Variants in AGTPBP1 observed in about 807,000 individuals in gnomAD.
AGTPBP1 encodes the protein cytosolic carboxypeptidase 1.
In AGTPBP1, 70 loss-of-function variants were observed where a neutral mutation model predicts 143.9. The ratio of observed to expected loss-of-function variants is 0.49; its 90% confidence interval spans 0.40 to 0.59. The LOEUF (loss-of-function observed/expected upper bound fraction) is 0.59. Ranked by LOEUF, AGTPBP1 falls within the 20% of genes least tolerant of loss-of-function variation. The pLI, the probability that AGTPBP1 is intolerant of heterozygous loss-of-function variation, is 0.00. For missense variants in AGTPBP1, 1,229 were observed against 1,464.5 expected, an observed-to-expected ratio of 0.84 and a Z score of 2.62; for synonymous variants, 463 against 500.2, an observed-to-expected ratio of 0.93 and a Z score of 0.99.
intron 2 of AGTPBP1, among the ~76,000 whole-genome samples, chr9:85,698,689 T>G: frequency 8.4e-6 from 1 of 118,938 alleles, no homozygotes; most frequent in Admixed American, 8.3e-5. Context: ...CTTTTTTTTT[T>G]TTTTTTTTTT....
At chr9:85,801,832 T>G in the AGTPBP1 span, among the ~76,000 whole-genome samples, 2 of 152,334 alleles carry the variant, frequency 1.3e-5, no homozygotes, top group Admixed American at 1.3e-4. Flanking sequence ...ACTCATAGAT[T>G]AAAGATTTTA....
At position 85,632,726 on chromosome 9, in the gene AGTPBP1, A is replaced by C; in HGVS notation, c.1951T>G (p.Tyr651Asp). ...PEYSEVAYPDYFGHIPPPFKE... is the reference protein window; with the variant it reads ...PEYSEVAYPDDFGHIPPPFKE... ...AATGGAGGCGGAATGTGACCAAAAT[A>C]ATCGGGATAAGCCACCTCTGAATAT... is the stretch of plus-strand genomic sequence containing the variant. Residue 651 changes from tyrosine (Y) to aspartate (D), a missense_variant, in exon 14 of 26, where the codon TAT becomes GAT. Transcript: ENST00000357081. 6.2e-7 allele frequency: 1 copy of C among 1,614,130 alleles called. No homozygotes were observed. The highest frequency in any genetic ancestry group is 8.5e-7 in the Non-Finnish European group (1 of 1,179,990).
the AGTPBP1 span, among the ~76,000 whole-genome samples, chr9:85,766,272 T>TA: frequency 1.3e-5 from 2 of 152,276 alleles, no homozygotes; most frequent in East Asian, 3.9e-4. Flanking sequence ...CTATACCTCT[T>TA]ACATTATTTA....
chr9:85,655,311 C>G lies in AGTPBP1; in HGVS notation c.919G>C (p.Ala307Pro), dbSNP rs1028875885. 3 of 1,506,194 alleles carry G rather than the reference C, an allele frequency of 2.0e-6. No homozygotes were observed. The South Asian group carries it at 4.0e-5, about 20-fold the overall frequency. 93.3% of individuals were successfully genotyped at this position (1,506,194 alleles called of 1,614,324 possible). ...ACAAGAGGATCCAGAGTCCTGACTG[C>G]CAGACATTCCTGTTTTTTAAAAAAA... ...ILYNTSQECL[A>P]VRTLDPLVNT... is the part of the protein sequence containing the mutation. The change falls in exon 11 of 26, where the codon GCA (alanine) becomes CCA (proline). Residue 307 changes from alanine (A) to proline (P), a missense_variant. By Grantham distance (27) the Ala-to-Pro change is conservative. Around this residue, in one of 2 missense-constraint regions of AGTPBP1, gnomAD observed 743 missense variants for 812.2 expected, o/e 0.91. Transcript: ENST00000357081.
chr9:85,771,405 A>G, the AGTPBP1 span, among the ~76,000 whole-genome samples: 4 of 152,250 alleles, frequency 2.6e-5, no homozygotes, highest in Non-Finnish European at 5.9e-5. Flanking sequence ...GAGCCCAGCA[A>G]TTTGAGTTTG....
chr9:85,575,255 TTTTA>T, intron 25 of AGTPBP1, 56 bp downstream of exon 25: 1 of 1,340,386 alleles, frequency 7.5e-7, no homozygotes, highest in South Asian at 1.7e-5. Flanking sequence ...TTTTCTGCTA[TTTTA>T]ATGAAGTCTA....
In AGTPBP1 at chr9:85,594,896, T is replaced by C. The variant is rs187601874; in HGVS notation, c.2423+1466A>G. Among the ~76,000 whole-genome samples the C allele has an allele frequency of 1.2e-4, 19 of 152,316 alleles. No individual in the cohort carries two copies. The East Asian group carries it at 3.7e-3, about 29-fold the overall frequency. ...TAAAGAAGCATGAAAGTAAGAATGC[T>C]TTTTGAAAAACATTGTTTCATTCTT... On this transcript the variant is annotated intron_variant, in intron 18 of 25. Coordinates refer to ENST00000357081, the MANE Select transcript of AGTPBP1 (RefSeq NM_001330701.2).
chr9:85,581,271 G>A (rs190683119), intron 23 of AGTPBP1, among the ~76,000 whole-genome samples: 33 of 152,260 alleles, frequency 2.2e-4, no homozygotes, highest in Middle Eastern at 3.4e-3. Flanking sequence ...TGGAAAGCAC[G>A]CAGGACTTAA....
chr9:85,672,999 T>C (rs1295873654), intron 6 of AGTPBP1, among the ~76,000 whole-genome samples: 8 of 152,100 alleles, frequency 5.3e-5, no homozygotes, highest in Non-Finnish European at 1.2e-4. Context: ...CCTCCCAAAG[T>C]GCTGAGATTA....
chr9:85,588,009 T>C (rs1406753460), intron 21 of AGTPBP1, among the ~76,000 whole-genome samples: 1 of 152,146 alleles, frequency 6.6e-6, no homozygotes, highest in Admixed American at 6.5e-5. Context: ...CAACCTGACA[T>C]TGTGATTTTT....
chr9:85,717,321 T>C (rs1250604500), intron 1 of AGTPBP1, among the ~76,000 whole-genome samples: 1 of 152,026 alleles, frequency 6.6e-6, no homozygotes, highest in African/African-American at 2.4e-5. Flanking sequence ...CTGGGCAATA[T>C]AGCAAGAGCC....
chr9:85,645,088 C>G (rs1214735404), intron 12 of AGTPBP1, among the ~76,000 whole-genome samples: 1 of 152,134 alleles, frequency 6.6e-6, no homozygotes, highest in Non-Finnish European at 1.5e-5. Flanking sequence ...CTGAGAACCT[C>G]TCTCTTCCTC....
At chr9:85,789,931 G>T in the AGTPBP1 span, among the ~76,000 whole-genome samples, 1 of 152,118 alleles carries the variant, frequency 6.6e-6, no homozygotes, top group Non-Finnish European at 1.5e-5. Flanking sequence ...GACATATTTT[G>T]ATCTTTCACT....
At chr9:85,701,762 T>G (rs899885506) in intron 2 of AGTPBP1, among the ~76,000 whole-genome samples, 3 of 152,220 alleles carry the variant, frequency 2.0e-5, no homozygotes, top group Non-Finnish European at 2.9e-5. Context: ...TCAACTTAGA[T>G]GTACTACCTT....
intron 2 of AGTPBP1, among the ~76,000 whole-genome samples, chr9:85,698,091 C>CTTT (rs370115913): frequency 0.017 from 2,499 of 148,432 alleles, 24 homozygotes; most frequent in Middle Eastern, 0.055. Context: ...AAAAGGTCAT[C>CTTT]TTTTTTTTTT....
chr9:85,692,287 T>TTTA (rs1835927682), intron 3 of AGTPBP1, among the ~76,000 whole-genome samples: 1 of 151,788 alleles, frequency 6.6e-6, no homozygotes, highest in African/African-American at 2.4e-5. Flanking sequence ...TTTTTTTTTT[T>TTTA]TTTTATGAGA....
At chr9:85,723,773 G>A (rs529067128) in intron 1 of AGTPBP1, among the ~76,000 whole-genome samples, 9 of 152,210 alleles carry the variant, frequency 5.9e-5, no homozygotes, top group South Asian at 2.1e-4. Context: ...CATCAATCTC[G>A]CTGGGAGCTG....
chr9:85,727,186 G>T (rs151263576), intron 1 of AGTPBP1, among the ~76,000 whole-genome samples: 46 of 152,226 alleles, frequency 3.0e-4, no homozygotes, highest in African/African-American at 1.0e-3. Context: ...AATCAGCCGG[G>T]CATGGTGGCA....
In AGTPBP1 at chr9:85,662,082, C is replaced by T. The variant is rs538101601; in HGVS notation, c.663-1109G>A. 8.5e-5 allele frequency among the ~76,000 whole-genome samples: 13 copies of T among 152,162 alleles called. No individual in the cohort carries two copies. The South Asian group carries it at 2.7e-3, about 32-fold the overall frequency. ...AAAGGAGGTAATAAAGTAAAAGTTG[C>T]ATACATCAGCAGTACAAGGGAAGTA... On this transcript the variant is annotated intron_variant, in intron 8 of 25. Transcript: ENST00000357081.
Sources: gnomAD v4.1 joint callset for allele counts (sites outside exome capture counted in the v4.1 genomes callset) on GRCh38, gnomAD v4.1.1 for gene constraint, gnomAD v4.1.1 regional missense constraint, MANE v1.5 for transcripts, NCBI Gene and HGNC (gene_info 2026-07-23, HGNC 2026-07-21) for gene names.